Variants in FBXW4 observed in about 807,000 individuals in gnomAD.
The protein encoded by FBXW4 is F-box and WD repeat domain containing 4.
Under a neutral mutation model 61.8 loss-of-function variants are expected in FBXW4, and 40 were observed. That is an observed-to-expected ratio of 0.65 (90% CI 0.50 to 0.84). The LOEUF (loss-of-function observed/expected upper bound fraction) is 0.84, where lower values mean the gene tolerates loss of function less well. FBXW4 is among the 40% of genes least tolerant of loss of function. The pLI is 0.00. For synonymous variants in FBXW4, 311 were observed against 313.8 expected (o/e 0.99, Z 0.10); for missense variants, 672 against 753.8 (o/e 0.89, Z 1.27).
At chr10:101,657,779 G>A (rs902834186) in intron 5 of FBXW4, among the ~76,000 whole-genome samples, 1 of 152,004 alleles carries the variant, frequency 6.6e-6, no homozygotes, top group African/African-American at 2.4e-5. Context: ...TGAAGGAAGA[G>A]CCAAAAATAT....
chr10:101,689,125 T>C (rs924749205), intron 1 of FBXW4, among the ~76,000 whole-genome samples: 1 of 62,422 alleles, frequency 1.6e-5, no homozygotes, highest in Non-Finnish European at 3.1e-5. Flanking sequence ...TAGATGAAGG[T>C]TCCAGGTGCA....
chr10:101,639,589 A>C (rs1294430245), intron 5 of FBXW4, among the ~76,000 whole-genome samples: 3 of 152,296 alleles, frequency 2.0e-5, no homozygotes, highest in South Asian at 4.1e-4. Flanking sequence ...TTCTTACATG[A>C]CTTTCCCTCC....
chr10:101,644,344 T>A (rs2064078830), intron 5 of FBXW4, among the ~76,000 whole-genome samples: 1 of 152,190 alleles, frequency 6.6e-6, no homozygotes, highest in Admixed American at 6.5e-5. Flanking sequence ...TGCTGCCATC[T>A]ATTACCTACA....
intron 6 of FBXW4, among the ~76,000 whole-genome samples, chr10:101,621,836 G>C (rs1482445603): frequency 6.6e-6 from 1 of 152,188 alleles, no homozygotes; most frequent in African/African-American, 2.4e-5. Flanking sequence ...GCCTGAAGAA[G>C]AGGAGGCCCT....
intron 4 of FBXW4, among the ~76,000 whole-genome samples, chr10:101,670,985 G>A (rs2064353304): frequency 6.6e-6 from 1 of 152,126 alleles, no homozygotes. Flanking sequence ...TACATATTTG[G>A]GAAACTCCCC....
chr10:101,657,639 C>CAAAA (rs35721394), intron 5 of FBXW4, among the ~76,000 whole-genome samples: 24 of 56,078 alleles, frequency 4.3e-4, no homozygotes, highest in South Asian at 9.5e-4. Context: ...GACTCTGTCT[C>CAAAA]AAAAAAAAAA....
intron 1 of FBXW4, among the ~76,000 whole-genome samples, chr10:101,688,214 G>C (rs1419191212): frequency 1.3e-5 from 2 of 152,210 alleles, no homozygotes; most frequent in Admixed American, 6.5e-5. Flanking sequence ...GTGATGTTTT[G>C]AAAGAGCCTG....
chr10:101,662,066 C>G lies in FBXW4; in HGVS notation c.1235+5820G>C, dbSNP rs1266972900. Among the ~76,000 whole-genome samples, 3 of 152,204 alleles carry G rather than the reference C, an allele frequency of 2.0e-5. No homozygotes were observed. In the East Asian group the frequency reaches 5.8e-4, roughly 29 times the overall value. On this transcript the variant is annotated intron_variant, in intron 5 of 8. Coordinates refer to ENST00000331272, the MANE Select transcript of FBXW4 (RefSeq NM_022039.4). ...AGTCCAGGGCCAAAGGACTGCAGCACCACTGGCAACCAAAAGAATCTGAAC... is the reference window on the plus strand; with the variant it reads ...AGTCCAGGGCCAAAGGACTGCAGCAGCACTGGCAACCAAAAGAATCTGAAC...
At chr10:101,679,674 G>C (rs1012050354) in intron 1 of FBXW4, among the ~76,000 whole-genome samples, 7 of 152,060 alleles carry the variant, frequency 4.6e-5, no homozygotes, top group Non-Finnish European at 1.0e-4. Context: ...AGTCAACTTT[G>C]GGTGTTTTTA....
At chr10:101,632,043 C>T (rs1336873718) in intron 5 of FBXW4, among the ~76,000 whole-genome samples, 5 of 152,190 alleles carry the variant, frequency 3.3e-5, no homozygotes, top group Non-Finnish European at 7.3e-5. Context: ...GCAACCATGG[C>T]CCTGGTACAC....
intron 1 of FBXW4, among the ~76,000 whole-genome samples, chr10:101,681,718 AAAT>A (rs60453783): frequency 0.29 from 41,774 of 143,222 alleles, 6,293 homozygotes; most frequent in South Asian, 0.35. Flanking sequence ...CTCCGTCTCA[AAAT>A]AATAATAATA....
rs117928673 is a variant in FBXW4 at position 101,621,477 on chromosome 10, G to A, written c.1301+3268C>T. On this transcript the variant is annotated intron_variant, in intron 6 of 8. Coordinates refer to ENST00000331272, the MANE Select transcript of FBXW4 (RefSeq NM_022039.4). The stretch of plus-strand genomic sequence containing the variant: ...CAGGAGTTCAAGGCTGCGGTGAGCC[G>A]TGATGATGCCACTGCACTCCAGCCT... Among the ~76,000 whole-genome samples, 1,003 of 152,224 alleles carry A rather than the reference G, an allele frequency of 6.6e-3. 5 individuals carry two copies. The highest frequency in any genetic ancestry group is 0.01 in the Non-Finnish European group (711 of 68,008).
chr10:101,643,513 G>A (rs2064071413), intron 5 of FBXW4, among the ~76,000 whole-genome samples: 1 of 152,248 alleles, frequency 6.6e-6, no homozygotes, highest in Admixed American at 6.5e-5. Flanking sequence ...GGATGCCGCA[G>A]GCATATGCAC....
chr10:101,660,198 C>T (rs887863281), intron 5 of FBXW4: 5 of 985,190 alleles, frequency 5.1e-6, no homozygotes, highest in East Asian at 1.1e-4. Flanking sequence ...GGAGTAACAC[C>T]GACATCCTGA....
intron 4 of FBXW4, among the ~76,000 whole-genome samples, chr10:101,668,672 T>C (rs952880021): frequency 2.0e-5 from 3 of 152,192 alleles, no homozygotes; most frequent in African/African-American, 7.2e-5. Flanking sequence ...TTATCTGGTC[T>C]CTATCAGTCA....
chr10:101,627,397 T>C (rs929411014), intron 5 of FBXW4, among the ~76,000 whole-genome samples: 2 of 152,184 alleles, frequency 1.3e-5, no homozygotes, highest in Non-Finnish European at 2.9e-5. Flanking sequence ...AAGCAGATTT[T>C]GAGCAAACAC....
At chr10:101,677,877 CT>C (rs1469710132) in intron 1 of FBXW4, among the ~76,000 whole-genome samples, 1 of 149,250 alleles carries the variant, frequency 6.7e-6, no homozygotes, top group Non-Finnish European at 1.5e-5. Flanking sequence ...ATATTTTTTT[CT>C]TAAAAAAAAA....
chr10:101,651,971 A>C (rs921005668), intron 5 of FBXW4, among the ~76,000 whole-genome samples: 2 of 152,004 alleles, frequency 1.3e-5, no homozygotes, highest in African/African-American at 2.4e-5. Flanking sequence ...TTTGACCTGC[A>C]CCTAATCAAA....
chr10:101,674,409 G>T (rs1305707343), intron 2 of FBXW4, among the ~76,000 whole-genome samples: 1 of 152,082 alleles, frequency 6.6e-6, no homozygotes, highest in Non-Finnish European at 1.5e-5. Flanking sequence ...AATTTGAAGT[G>T]TAAGTGGGAA....
Sources: allele counts gnomAD v4.1 joint callset (sites outside exome capture counted in the v4.1 genomes callset), GRCh38; gene constraint gnomAD v4.1.1; transcripts MANE v1.5; gene names NCBI Gene and HGNC (gene_info 2026-07-23, HGNC 2026-07-21).